VPS50: variants seen among roughly 807,000 people sequenced by gnomAD.
VPS50 encodes the protein VPS50 subunit of EARP/GARPII complex.
Under a neutral mutation model 139.7 loss-of-function variants are expected in VPS50, and 70 were observed. The ratio of observed to expected loss-of-function variants is 0.50; its 90% CI spans 0.41 to 0.61. The LOEUF is 0.61. Ranked by LOEUF, VPS50 falls within the 20% of genes least tolerant of loss-of-function variation. The pLI, the probability that VPS50 is intolerant of heterozygous loss-of-function variation, is 0.00. For missense variants in VPS50, 921 were observed against 1,133.7 expected, an observed-to-expected ratio of 0.81 and a Z score of 2.69; for synonymous variants, 365 against 376.7, an observed-to-expected ratio of 0.97 and a Z score of 0.36.
chr7:93,345,987 T>G (rs187333482), intron 23 of VPS50, among the ~76,000 whole-genome samples: 58 of 152,104 alleles, frequency 3.8e-4, no homozygotes, highest in Middle Eastern at 3.4e-3. Flanking sequence ...GGGCAATTAG[T>G]CAGGAGAAGG....
intron 12 of VPS50, among the ~76,000 whole-genome samples, chr7:93,280,058 A>G (rs1017005188): frequency 6.6e-6 from 1 of 152,156 alleles, no homozygotes; most frequent in Non-Finnish European, 1.5e-5. Flanking sequence ...ACTCTGGTAT[A>G]CAGAACCTCA....
intron 10 of VPS50, among the ~76,000 whole-genome samples, chr7:93,271,632 T>G (rs978832553): frequency 1.3e-5 from 2 of 151,736 alleles, no homozygotes; most frequent in African/African-American, 4.8e-5. Context: ...AAGTAATTAT[T>G]GGCTGATGAA....
rs558137904 is a variant in VPS50, at chr7:93,253,907, C to T, written c.273C>T (p.Asp91=). The change falls in exon 4 of 28, where the codon GAC becomes GAT. Residue 91 remains aspartate (D), a synonymous_variant. Transcript: ENST00000305866. Reference sequence around the variant, plus strand: ...TGCAAGAATTAGAGGCGTATAGAGACAAATTGAAACAACAGCAAGCTGCAG... The same window carrying T: ...TGCAAGAATTAGAGGCGTATAGAGATAAATTGAAACAACAGCAAGCTGCAG... ...LNLQELEAYR[D]KLKQQQAAVS... is the part of the protein sequence containing the mutation. 6.1e-5 allele frequency: 97 copies of T among 1,591,376 alleles called. 1 individual carries two copies. In the South Asian group the frequency reaches 1.1e-3, roughly 17 times the overall value.
chr7:93,251,364 T>C (rs1795321744), intron 2 of VPS50, among the ~76,000 whole-genome samples: 1 of 152,188 alleles, frequency 6.6e-6, no homozygotes, highest in African/African-American at 2.4e-5. Context: ...GATGAGTTCA[T>C]GTCCTTTGCA....
chr7:93,344,338 T>G (rs886377408), intron 23 of VPS50, among the ~76,000 whole-genome samples: 16 of 152,278 alleles, frequency 1.1e-4, no homozygotes, highest in Admixed American at 3.3e-4. Context: ...AAGCAAGTCC[T>G]GAGTGACCTA....
chr7:93,298,847 G>T (rs1279177925), intron 16 of VPS50, among the ~76,000 whole-genome samples: 3 of 152,150 alleles, frequency 2.0e-5, no homozygotes, highest in African/African-American at 7.2e-5. Context: ...TAGAAGGAAA[G>T]CTGGGTTGAG....
At chr7:93,353,528 A>G in intron 25 of VPS50, 112 bp from the exon 26 acceptor site, 1 of 1,181,476 alleles carries the variant, frequency 8.5e-7, no homozygotes, top group Non-Finnish European at 1.2e-6. Context: ...TTTTGATTTT[A>G]CTTGGTTTGA....
At chr7:93,272,550 G>C (rs1048179309) in intron 10 of VPS50, 85 bp from the exon 11 acceptor site, 4 of 534,356 alleles carry the variant, frequency 7.5e-6, no homozygotes. Flanking sequence ...AACTAAAAGT[G>C]AGAAATTAGT....
rs930957506 is a variant in VPS50 at position 93,325,544 on chromosome 7, C to T, written c.1977+1812C>T. Among the ~76,000 whole-genome samples, 32 of 152,050 alleles carry T rather than the reference C, an allele frequency of 2.1e-4. 1 individual carries two copies. The highest frequency in any genetic ancestry group is 8.3e-4 in the South Asian group (4 of 4,806). On this transcript the variant is annotated intron_variant, in intron 21 of 27. Transcript: ENST00000305866. ...CAAAATGGGAGAAAATTTTCACAAC[C>T]TACTCATCTGACAAAGGGCTAATAT...
intron 21 of VPS50, among the ~76,000 whole-genome samples, chr7:93,324,866 T>G (rs1269734047): frequency 3.9e-5 from 6 of 152,044 alleles, no homozygotes; most frequent in Non-Finnish European, 8.8e-5. Context: ...TGGCCATACT[T>G]CCCAAGGTGT....
chr7:93,272,679 C>A lies in VPS50; in HGVS notation c.747C>A (p.Asp249Glu). The A allele has an allele frequency of 6.3e-7, 1 of 1,578,168 alleles. No individual in the cohort carries two copies. The highest frequency in any genetic ancestry group is 8.6e-7 in the Non-Finnish European group (1 of 1,156,754). Residue 249 changes from aspartate (D) to glutamate (E), a missense_variant, in exon 11 of 28, where the codon GAC becomes GAA. Around this residue, in one of 3 missense-constraint regions of VPS50, gnomAD observed 744 missense variants for 930.6 expected, o/e 0.80. Coordinates refer to ENST00000305866, the MANE Select transcript of VPS50 (RefSeq NM_017667.4). ...TTTCCAAAATCTGCAAGAATTTTGACATTAACCATTATACCAAGGTTCAAC... is the reference window on the plus strand; with the variant it reads ...TTTCCAAAATCTGCAAGAATTTTGAAATTAACCATTATACCAAGGTTCAAC... Reference protein sequence around the residue: ...VALSKICKNFDINHYTKVQQA... With the variant: ...VALSKICKNFEINHYTKVQQA...
At chr7:93,336,609 G>A (rs1249725941) in intron 22 of VPS50, among the ~76,000 whole-genome samples, 1 of 152,102 alleles carries the variant, frequency 6.6e-6, no homozygotes, top group Non-Finnish European at 1.5e-5. Flanking sequence ...CACCTCCCAG[G>A]TTCAAGCAAT....
intron 16 of VPS50, among the ~76,000 whole-genome samples, chr7:93,299,881 A>G (rs1476712904): frequency 1.3e-5 from 2 of 152,168 alleles, no homozygotes; most frequent in Admixed American, 1.3e-4. Flanking sequence ...TAAAAGCACA[A>G]ATATTCTAAT....
chr7:93,270,512 A>G (rs1795972413), intron 9 of VPS50, among the ~76,000 whole-genome samples: 1 of 151,984 alleles, frequency 6.6e-6, no homozygotes, highest in Non-Finnish European at 1.5e-5. Context: ...TAATTATTCT[A>G]GACAATTGTG....
intron 2 of VPS50, among the ~76,000 whole-genome samples, chr7:93,240,243 ACACACACTCT>A (rs1336656796): frequency 1.2e-4 from 17 of 146,328 alleles, no homozygotes; most frequent in East Asian, 4.0e-4. Context: ...ACACACACAC[ACACACACTCT>A]CTCTCTCTCT....
At chr7:93,348,158 A>G (rs947177863) in intron 23 of VPS50, among the ~76,000 whole-genome samples, 2 of 152,214 alleles carry the variant, frequency 1.3e-5, no homozygotes, top group Non-Finnish European at 2.9e-5. Flanking sequence ...GATGCAGTGC[A>G]ACTGCAGGCA....
chr7:93,305,047 T>G (rs1370450429), intron 17 of VPS50, among the ~76,000 whole-genome samples: 1 of 151,962 alleles, frequency 6.6e-6, no homozygotes, highest in Non-Finnish European at 1.5e-5. Flanking sequence ...AAATTTGGGA[T>G]TATTCTGTTT....
chr7:93,328,014 T>G (rs970250285), intron 21 of VPS50, among the ~76,000 whole-genome samples: 1 of 152,190 alleles, frequency 6.6e-6, no homozygotes, highest in Admixed American at 6.5e-5. Flanking sequence ...GTATATACAT[T>G]AGTTCAAAGG....
intron 20 of VPS50, among the ~76,000 whole-genome samples, chr7:93,322,327 C>T (rs1797637664): frequency 6.6e-6 from 1 of 152,054 alleles, no homozygotes; most frequent in Non-Finnish European, 1.5e-5. Flanking sequence ...AGGCCGGGCG[C>T]GGTGGCTCAC....
Sources: allele counts gnomAD v4.1 joint callset (sites outside exome capture counted in the v4.1 genomes callset), GRCh38; gene constraint gnomAD v4.1.1; regional missense constraint gnomAD v4.1.1; transcripts MANE v1.5; gene names NCBI Gene and HGNC (gene_info 2026-07-23, HGNC 2026-07-21).